The following TCF12 variants were observed in gnomAD, a reference collection of about 807,000 sequenced individuals.
The protein encoded by TCF12 is transcription factor 12.
A neutral mutation model predicts 86.0 loss-of-function variants in TCF12; 45 were observed. That is an observed-to-expected ratio of 0.52 (90% CI 0.41 to 0.67). The LOEUF (loss-of-function observed/expected upper bound fraction) is 0.67. Ranked by LOEUF, TCF12 falls within the 30% of genes least tolerant of loss-of-function variation. TCF12 has a pLI of 0.00. For missense variants in TCF12, 881 were observed against 859.9 expected (o/e 1.02, Z -0.31); for synonymous variants, 330 against 299.6 (o/e 1.10, Z -1.05).
intron 5 of TCF12, among the ~76,000 whole-genome samples, chr15:57,164,271 T>C (rs1018085482): frequency 2.6e-5 from 4 of 152,128 alleles, no homozygotes; most frequent in Non-Finnish European, 4.4e-5. Flanking sequence ...TTTTGAACTG[T>C]GGGTGTATTA....
At chr15:57,238,761 G>A (rs2059482870) in intron 12 of TCF12, among the ~76,000 whole-genome samples, 1 of 152,180 alleles carries the variant, frequency 6.6e-6, no homozygotes, top group African/African-American at 2.4e-5. Context: ...TGGATTCAAT[G>A]TTGACCAGTA....
At chr15:57,170,634 A>AT (rs1555525959) in intron 6 of TCF12, among the ~76,000 whole-genome samples, 1 of 31,242 alleles carries the variant, frequency 3.2e-5, no homozygotes, top group Non-Finnish European at 4.4e-5. Flanking sequence ...AATTTTATAT[A>AT]TATATATAAT....
chr15:57,015,802 C>T (rs2566852), intron 3 of TCF12, among the ~76,000 whole-genome samples: 1,921 of 152,320 alleles, frequency 0.013, 43 homozygotes, highest in African/African-American at 0.044. Flanking sequence ...TGTGCCCTGA[C>T]TGATTTATAT....
intron 3 of TCF12, among the ~76,000 whole-genome samples, chr15:56,996,028 A>G (rs200153817): frequency 6.6e-6 from 1 of 152,190 alleles, no homozygotes; most frequent in East Asian, 1.9e-4. Flanking sequence ...CTTTTTCTGC[A>G]TCTATTGAGA....
chr15:57,140,315 C>A (rs535114077), intron 5 of TCF12, among the ~76,000 whole-genome samples: 1 of 152,262 alleles, frequency 6.6e-6, no homozygotes, highest in Non-Finnish European at 1.5e-5. Flanking sequence ...ATAAGCCAGT[C>A]ATAAAAAGAC....
chr15:56,936,889 G>T (rs1460594318), intron 3 of TCF12, among the ~76,000 whole-genome samples: 11 of 152,180 alleles, frequency 7.2e-5, no homozygotes, highest in African/African-American at 2.7e-4. Context: ...TTACAGTCTA[G>T]TTTGAAGTCA....
At chr15:57,225,078 C>T (rs1450735163) in intron 8 of TCF12, among the ~76,000 whole-genome samples, 1 of 151,888 alleles carries the variant, frequency 6.6e-6, no homozygotes, top group Non-Finnish European at 1.5e-5. Context: ...ATTAGACTAT[C>T]ATTTTAATAT....
downstream of TCF12, among the ~76,000 whole-genome samples, chr15:57,290,459 A>G (rs1306716361): frequency 1.3e-5 from 2 of 152,186 alleles, no homozygotes; most frequent in African/African-American, 4.8e-5. Context: ...TTAGAAGGGT[A>G]AAGGATTTAT....
chr15:57,009,195 G>A (rs1472871339), intron 3 of TCF12, among the ~76,000 whole-genome samples: 2 of 152,068 alleles, frequency 1.3e-5, no homozygotes, highest in African/African-American at 4.8e-5. Flanking sequence ...TGCACCCTCT[G>A]CCTCCAGGGC....
intron 5 of TCF12, among the ~76,000 whole-genome samples, chr15:57,142,761 TG>T (rs1258740331): frequency 6.6e-6 from 1 of 152,112 alleles, no homozygotes; most frequent in African/African-American, 2.4e-5. Flanking sequence ...CCATCAATAA[TG>T]GGATAATTCA....
At chr15:56,928,246 A>C (rs2060101207) in intron 3 of TCF12, among the ~76,000 whole-genome samples, 1 of 152,264 alleles carries the variant, frequency 6.6e-6, no homozygotes, top group African/African-American at 2.4e-5. Flanking sequence ...AGATTAAATA[A>C]GGTTATCTAT....
intron 13 of TCF12, among the ~76,000 whole-genome samples, chr15:57,249,039 A>C (rs2059989882): frequency 6.6e-6 from 1 of 152,234 alleles, no homozygotes; most frequent in Admixed American, 6.5e-5. Flanking sequence ...AGAAAAAATG[A>C]TTGAAAAGTA....
At chr15:57,234,178 G>A in intron 12 of TCF12, 71 bp downstream of exon 12, 1 of 1,184,570 alleles carries the variant, frequency 8.4e-7, no homozygotes, top group Non-Finnish European at 1.3e-6. Context: ...GATTTTGTAG[G>A]TGATAAGTAT....
intron 8 of TCF12, chr15:57,219,581 T>C: frequency 6.2e-7 from 1 of 1,613,206 alleles, no homozygotes; most frequent in African/African-American, 1.3e-5. Flanking sequence ...ATTACTACAA[T>C]GGGAAAACGG....
Position 57,249,631 on chromosome 15 carries a change from T to C in TCF12, c.1115-1719T>C, listed in dbSNP as rs577637600. On this transcript the variant is annotated intron_variant, in intron 13 of 20. Transcript: ENST00000333725. ...ATAGTCTTGTTCAGCTAAAATGAAC[T>C]ATAATAGTTCTAATTTACCTCAAGT... Among the ~76,000 whole-genome samples, 466 of 152,278 alleles carry C rather than the reference T, an allele frequency of 3.1e-3. 3 individuals carry two copies. The highest frequency in any genetic ancestry group is 0.011 in the African/African-American group (447 of 41,566).
chr15:57,003,507 C>T (rs2064170334), intron 3 of TCF12, among the ~76,000 whole-genome samples: 1 of 152,154 alleles, frequency 6.6e-6, no homozygotes, highest in African/African-American at 2.4e-5. Flanking sequence ...CTTACAATGA[C>T]TTGGGGGCCA....
At chr15:57,186,737 G>A (rs1043039651) in intron 6 of TCF12, among the ~76,000 whole-genome samples, 5 of 152,078 alleles carry the variant, frequency 3.3e-5, no homozygotes, top group Admixed American at 1.3e-4. Context: ...ATCCAGCAAC[G>A]TATTGAAAAG....
At chr15:57,180,976 G>A (rs886879480) in intron 6 of TCF12, among the ~76,000 whole-genome samples, 5 of 151,492 alleles carry the variant, frequency 3.3e-5, no homozygotes, top group Admixed American at 6.6e-5. Context: ...CACCACGCCC[G>A]CCTAATTTTT....
intron 3 of TCF12, among the ~76,000 whole-genome samples, chr15:56,949,824 T>G (rs1445095752): frequency 6.6e-6 from 1 of 152,134 alleles, no homozygotes; most frequent in Non-Finnish European, 1.5e-5. Flanking sequence ...GTCATGGGGT[T>G]ATAGAGGTTA....
Sources: gnomAD v4.1 joint callset for allele counts (sites outside exome capture counted in the v4.1 genomes callset) on GRCh38, gnomAD v4.1.1 for gene constraint, MANE v1.5 for transcripts, NCBI Gene and HGNC (gene_info 2026-07-23, HGNC 2026-07-21) for gene names.